Variants in WLS observed in about 807,000 individuals in gnomAD.
WLS encodes the protein Wnt ligand secretion mediator, also known as protein wntless homolog.
WLS carries 23 observed loss-of-function variants against 62.8 expected under a neutral mutation model. The ratio of observed to expected loss-of-function variants is 0.37; its 90% CI spans 0.26 to 0.52. The LOEUF is 0.52. WLS is among the 20% of genes least tolerant of loss of function. The pLI is 0.92. For synonymous variants in WLS, 246 were observed against 244.1 expected (o/e 1.01, Z -0.07); for missense variants, 615 against 697.3 (o/e 0.88, Z 1.33).
chr1:68,224,693 A>T (rs921597915), intron 1 of WLS, among the ~76,000 whole-genome samples: 1 of 152,086 alleles, frequency 6.6e-6, no homozygotes. Context: ...ATCCCTTGTT[A>T]AGGAAGTAAT....
At chr1:68,157,911 T>C (rs1289655898) in intron 3 of WLS, among the ~76,000 whole-genome samples, 1 of 152,218 alleles carries the variant, frequency 6.6e-6, no homozygotes, top group Non-Finnish European at 1.5e-5. Flanking sequence ...GTTCAACCAG[T>C]ATTTCAAAGA....
intron 5 of WLS, among the ~76,000 whole-genome samples, chr1:68,151,979 GT>G (rs1181955102): frequency 1.3e-5 from 2 of 152,148 alleles, no homozygotes; most frequent in Non-Finnish European, 2.9e-5. Context: ...AGAAGCGATG[GT>G]TGGTTAGTTA....
intron 10 of WLS, chr1:68,138,366 A>T (rs775946481): frequency 6.2e-6 from 1 of 162,342 alleles, no homozygotes; most frequent in South Asian, 1.8e-4. Context: ...GATGCACCAT[A>T]GATTAATTCA....
chr1:68,164,015 G>A (rs1013508403), intron 2 of WLS, among the ~76,000 whole-genome samples: 4 of 152,130 alleles, frequency 2.6e-5, no homozygotes, highest in African/African-American at 9.7e-5. Flanking sequence ...CTCGGAAAAG[G>A]AAGAGATGAT....
chr1:68,100,054 A>T (rs112973415), intron 11 of WLS, among the ~76,000 whole-genome samples: 178 of 152,350 alleles, frequency 1.2e-3, no homozygotes, highest in African/African-American at 4.2e-3. Flanking sequence ...CTCAGAGAAA[A>T]CAGTTTTTAC....
intron 1 of WLS, among the ~76,000 whole-genome samples, chr1:68,196,968 G>A (rs939800262): frequency 6.6e-6 from 1 of 152,118 alleles, no homozygotes; most frequent in Non-Finnish European, 1.5e-5. Context: ...AATAAACAGT[G>A]AGACAAAAGT....
Position 68,108,674 on chromosome 1 carries a change from TCTA to T in WLS, c.1511-9924_1511-9922del, listed in dbSNP as rs1449300384. ...TTTCACTGATAATTGAATTTTTAAT[TCTA>T]CTTAGTTTTAATTAATTTTAATTTA... On this transcript the variant is annotated intron_variant, in intron 11 of 11. Coordinates refer to the WLS transcript ENST00000354777. Among the ~76,000 whole-genome samples the T allele has an allele frequency of 2.0e-5, 3 of 152,366 alleles. No homozygotes were observed. The East Asian group carries it at 5.8e-4, about 29-fold the overall frequency.
chr1:68,148,768 A>T, intron 6 of WLS, 108 bp from the exon 7 acceptor site: 5 of 930,196 alleles, frequency 5.4e-6, no homozygotes, highest in Non-Finnish European at 8.4e-6. Context: ...ATTGTGTATC[A>T]AGCACTATGC....
downstream of WLS, among the ~76,000 whole-genome samples, chr1:68,122,882 C>G (rs1016898309): frequency 9.2e-5 from 14 of 152,238 alleles, no homozygotes; most frequent in African/African-American, 3.1e-4. Context: ...CCCCTCTCCT[C>G]TGGACCTCAA....
chr1:68,216,738 A>G (rs1171177421), intron 1 of WLS, among the ~76,000 whole-genome samples: 1 of 152,228 alleles, frequency 6.6e-6, no homozygotes, highest in East Asian at 1.9e-4. Context: ...AGGCAGCAGC[A>G]TGAACAAGTA....
intron 10 of WLS, chr1:68,138,318 G>A: frequency 4.9e-6 from 1 of 203,260 alleles, no homozygotes; most frequent in East Asian, 1.3e-4. Context: ...TTCCCTGCAG[G>A]CAGAGACCAG....
intron 1 of WLS, among the ~76,000 whole-genome samples, chr1:68,225,364 C>T (rs1650100481): frequency 6.6e-6 from 1 of 152,102 alleles, no homozygotes; most frequent in Admixed American, 6.5e-5. Context: ...CAAGCTCCTC[C>T]TCTCCTTCCC....
chr1:68,193,582 A>G (rs926823068), intron 2 of WLS, among the ~76,000 whole-genome samples: 1 of 152,048 alleles, frequency 6.6e-6, no homozygotes, highest in Non-Finnish European at 1.5e-5. Flanking sequence ...AAAACCTTTC[A>G]GGAACCCTCA....
intron 2 of WLS, chr1:68,186,431 G>A (rs1647942446): frequency 2.8e-6 from 1 of 357,140 alleles, no homozygotes; most frequent in Non-Finnish European, 5.5e-6. Flanking sequence ...TTTAATTTCA[G>A]AGCCCAAACA....
intron 2 of WLS, chr1:68,162,897 G>T: frequency 6.4e-7 from 1 of 1,556,288 alleles, no homozygotes; most frequent in Non-Finnish European, 8.9e-7. Flanking sequence ...GATTTCCTGC[G>T]TGGACTGCGC....
At chr1:68,143,181 T>C (rs1316603886) in intron 10 of WLS, among the ~76,000 whole-genome samples, 1 of 152,142 alleles carries the variant, frequency 6.6e-6, no homozygotes, top group Non-Finnish European at 1.5e-5. Context: ...GGGGTCCATA[T>C]ACAAAAATGG....
intron 11 of WLS, among the ~76,000 whole-genome samples, chr1:68,116,782 CTA>C (rs1557450824): frequency 1.3e-5 from 2 of 152,168 alleles, no homozygotes; most frequent in Non-Finnish European, 2.9e-5. Context: ...GTGAATGAAT[CTA>C]TTTCTTTCAA....
At chr1:68,156,170 G>A (rs1008741714) in intron 3 of WLS, among the ~76,000 whole-genome samples, 1 of 152,160 alleles carries the variant, frequency 6.6e-6, no homozygotes, top group Admixed American at 6.5e-5. Flanking sequence ...AGAGGCATGA[G>A]CTTCAGCAGG....
intron 6 of WLS, among the ~76,000 whole-genome samples, chr1:68,149,000 G>T (rs551223356): frequency 2.0e-5 from 3 of 152,126 alleles, no homozygotes; most frequent in Non-Finnish European, 2.9e-5. Flanking sequence ...AAATTTCTAC[G>T]TGACTTGTAA....
Sources: gnomAD v4.1 joint callset for allele counts (sites outside exome capture counted in the v4.1 genomes callset) on GRCh38, gnomAD v4.1.1 for gene constraint, MANE v1.5 for transcripts, NCBI Gene and HGNC (gene_info 2026-07-23, HGNC 2026-07-21) for gene names.